TNPO1: variants seen among roughly 807,000 people sequenced by gnomAD.
TNPO1 encodes transportin-1.
A neutral mutation model predicts 119.5 loss-of-function variants in TNPO1; 8 were observed. That is an observed-to-expected ratio of 0.07 (90% CI 0.04 to 0.12). The LOEUF (loss-of-function observed/expected upper bound fraction) is 0.12. Ranked by LOEUF, TNPO1 falls within the 10% of genes least tolerant of loss-of-function variation. The pLI, the probability that TNPO1 is intolerant of heterozygous loss-of-function variation, is 1.00. For missense variants in TNPO1, 576 were observed against 1,089.8 expected, an observed-to-expected ratio of 0.53 and a Z score of 6.64; for synonymous variants, 362 against 363.0, an observed-to-expected ratio of 1.00 and a Z score of 0.03.
chr5:72,888,769 CAG>C (rs1268335941), intron 13 of TNPO1, among the ~76,000 whole-genome samples: 1 of 152,194 alleles, frequency 6.6e-6, no homozygotes, highest in Admixed American at 6.5e-5. Flanking sequence ...CACCATAACT[CAG>C]AAAGTCCCAC....
chr5:72,896,733 G>A (rs1749455958), intron 19 of TNPO1, among the ~76,000 whole-genome samples, 177 bp downstream of exon 19: 1 of 152,180 alleles, frequency 6.6e-6, no homozygotes, highest in Admixed American at 6.5e-5. Flanking sequence ...AGCTGGCGTG[G>A]TAGCGGGTGC....
At chr5:72,837,824 G>A (rs1405650705) in intron 1 of TNPO1, among the ~76,000 whole-genome samples, 1 of 152,100 alleles carries the variant, frequency 6.6e-6, no homozygotes, top group Non-Finnish European at 1.5e-5. Context: ...CTGTGGCTTA[G>A]AAGATTGGAC....
chr5:72,855,395 G>A (rs529816622), intron 3 of TNPO1, among the ~76,000 whole-genome samples: 4 of 152,076 alleles, frequency 2.6e-5, no homozygotes, highest in Non-Finnish European at 4.4e-5. Context: ...ATATATAAAC[G>A]AAATTAACTC....
At position 72,858,171 on chromosome 5, in the gene TNPO1, CATG is replaced by C. The variant is rs773460696; in HGVS notation, c.355+2252_355+2254del. On this transcript the variant is annotated intron_variant, in intron 4 of 24. Coordinates refer to ENST00000337273, the MANE Select transcript of TNPO1 (RefSeq NM_002270.4). ...ATAACTGCAGTGTATTTTCAAATGA[CATG>C]ATGTCTAGGATTTGATAAAAAAGCA... 7.2e-5 allele frequency among the ~76,000 whole-genome samples: 11 copies of C among 152,068 alleles called. No individual in the cohort carries two copies. The East Asian group carries it at 2.1e-3, about 29-fold the overall frequency.
Position 72,851,266 on chromosome 5 carries a change from A to G in TNPO1, c.152A>G (p.Tyr51Cys). ...TAGAAACTGGAACAACTTAATCAGT[A>G]TCCAGACTTTAACAACTACTTGATT... ...VQQKLEQLNQ[Y>C]PDFNNYLIFV... is the part of the protein sequence containing the mutation. The change falls in exon 3 of 25, where the codon TAT (tyrosine) becomes TGT (cysteine). Residue 51 changes from tyrosine (Y) to cysteine (C), a missense_variant. Tyr to Cys is a radical substitution (Grantham distance 194). Around this residue, in one of 6 missense-constraint regions of TNPO1, gnomAD observed 57 missense variants for 59.5 expected, o/e 0.96. Coordinates refer to ENST00000337273, the MANE Select transcript of TNPO1 (RefSeq NM_002270.4). 1 of 1,602,182 alleles carries G rather than the reference A, an allele frequency of 6.2e-7. No individual in the cohort carries two copies. The highest frequency in any genetic ancestry group is 8.5e-7 in the Non-Finnish European group (1 of 1,171,542).
intron 3 of TNPO1, among the ~76,000 whole-genome samples, chr5:72,854,993 A>G (rs1308879511): frequency 1.3e-5 from 2 of 152,036 alleles, no homozygotes; most frequent in African/African-American, 4.8e-5. Context: ...GATTTCAAAA[A>G]ATTTTTTTTT....
chr5:72,866,046 T>C (rs1162596841), intron 6 of TNPO1, among the ~76,000 whole-genome samples: 1 of 152,254 alleles, frequency 6.6e-6, no homozygotes, highest in African/African-American at 2.4e-5. Context: ...TTTTTGTTTT[T>C]GTTTTTGTTT....
chr5:72,884,725 A>G (rs1748498691), intron 11 of TNPO1, among the ~76,000 whole-genome samples: 1 of 151,076 alleles, frequency 6.6e-6, no homozygotes, highest in South Asian at 2.1e-4. Context: ...CAGCCTTGGC[A>G]CTATTGGCAT....
intron 3 of TNPO1, among the ~76,000 whole-genome samples, chr5:72,854,858 A>G (rs1561311706): frequency 1.3e-5 from 2 of 152,136 alleles, no homozygotes; most frequent in Non-Finnish European, 2.9e-5. Context: ...TTTGCTTTTA[A>G]GTTCAGAGGC....
chr5:72,881,204 G>A (rs771353731), intron 9 of TNPO1, among the ~76,000 whole-genome samples: 52 of 152,002 alleles, frequency 3.4e-4, no homozygotes, highest in Non-Finnish European at 6.3e-4. Flanking sequence ...TCCACCACCC[G>A]GGTTCAAGTG....
intron 1 of TNPO1, among the ~76,000 whole-genome samples, chr5:72,829,632 T>C (rs745776834): frequency 4.6e-5 from 7 of 152,220 alleles, no homozygotes; most frequent in Non-Finnish European, 1.0e-4. Flanking sequence ...TCCTTGTTTA[T>C]AGGTGTCTAA....
chr5:72,848,564 G>C, intron 2 of TNPO1, 66 bp downstream of exon 2: 9 of 992,062 alleles, frequency 9.1e-6, no homozygotes, highest in East Asian at 3.4e-5. Context: ...AGCCCCCGGC[G>C]GCCGGGGGCT....
intron 5 of TNPO1, among the ~76,000 whole-genome samples, chr5:72,864,071 A>G (rs537684525): frequency 6.6e-6 from 1 of 152,288 alleles, no homozygotes; most frequent in Non-Finnish European, 1.5e-5. Context: ...TGAAATTTTT[A>G]ATTGCCACAT....
chr5:72,885,054 C>G (rs1454655010), intron 11 of TNPO1, among the ~76,000 whole-genome samples: 1 of 152,246 alleles, frequency 6.6e-6, no homozygotes, highest in Non-Finnish European at 1.5e-5. Context: ...TCTCTGTTGC[C>G]TCTTCAGTTT....
chr5:72,883,436 T>A (rs1192788172), intron 11 of TNPO1, among the ~76,000 whole-genome samples: 3 of 152,216 alleles, frequency 2.0e-5, no homozygotes, highest in African/African-American at 7.2e-5. Flanking sequence ...CTCCCTATTG[T>A]TCACTGGCTC....
At chr5:72,902,275 T>C (rs918694173) in intron 22 of TNPO1, among the ~76,000 whole-genome samples, 5 of 152,220 alleles carry the variant, frequency 3.3e-5, no homozygotes, top group African/African-American at 1.2e-4. Context: ...GACCTTTTGA[T>C]GTTTCCTAGC....
intron 7 of TNPO1, among the ~76,000 whole-genome samples, chr5:72,875,254 A>G (rs1747675603): frequency 6.6e-6 from 1 of 152,186 alleles, no homozygotes; most frequent in Admixed American, 6.5e-5. Flanking sequence ...TAAATCTTGA[A>G]TCTATTACCA....
rs1392617983 is a variant in TNPO1, at chr5:72,900,078, C to T, written c.2411C>T (p.Pro804Leu). The change falls in exon 21 of 25, where the codon CCC becomes CTC. Residue 804 changes from proline to leucine, a missense_variant. This residue lies in a region of TNPO1 where 162 missense variants were observed against 294.1 expected (regional missense o/e 0.55). Coordinates refer to ENST00000337273, the MANE Select transcript of TNPO1 (RefSeq NM_002270.4). ...VAPMLQQFIR[P>L]WCTSLRNIRD... ...CCCATGCTACAGCAGTTTATAAGACCCTGGTGTGTATTATTCAATCTTTTT... is the reference window on the plus strand; with the variant it reads ...CCCATGCTACAGCAGTTTATAAGACTCTGGTGTGTATTATTCAATCTTTTT... 2 of 1,612,010 alleles carry T rather than the reference C, an allele frequency of 1.2e-6. No individual in the cohort carries two copies. The highest frequency in any genetic ancestry group is 1.7e-5 in the Admixed American group (1 of 59,960).
At chr5:72,885,621 T>C (rs1748563829) in intron 11 of TNPO1, among the ~76,000 whole-genome samples, 1 of 152,222 alleles carries the variant, frequency 6.6e-6, no homozygotes, top group African/African-American at 2.4e-5. Flanking sequence ...AGATTTCCTT[T>C]TGTTGCATGT....
Sources: gnomAD v4.1 joint callset for allele counts (sites outside exome capture counted in the v4.1 genomes callset) on GRCh38, gnomAD v4.1.1 for gene constraint, gnomAD v4.1.1 regional missense constraint, MANE v1.5 for transcripts, NCBI Gene and HGNC (gene_info 2026-07-23, HGNC 2026-07-21) for gene names.